The following RCHY1 variants were observed in gnomAD, a reference collection of about 807,000 sequenced individuals.
RCHY1 encodes ring finger and CHY zinc finger domain containing 1, also known as RING finger and CHY zinc finger domain-containing protein 1.
In RCHY1, 21 loss-of-function variants were observed where a neutral mutation model predicts 41.6. That is an observed-to-expected ratio of 0.51 (90% CI 0.36 to 0.73). The LOEUF (loss-of-function observed/expected upper bound fraction) is 0.73, where lower values mean the gene tolerates loss of function less well. Among genes scored for constraint, RCHY1 ranks in the 30% least tolerant of loss-of-function variants. The pLI, the probability that RCHY1 is intolerant of heterozygous loss-of-function variation, is 0.00. For missense variants in RCHY1, 265 were observed against 325.3 expected (o/e 0.81, Z 1.43); for synonymous variants, 79 against 102.9 (o/e 0.77, Z 1.41).
rs192417021 is a variant in RCHY1 at position 75,483,652 on chromosome 4, G to A, written c.658-986C>T. Among the ~76,000 whole-genome samples the A allele has an allele frequency of 5.9e-5, 9 of 152,180 alleles. 1 individual carries two copies. The East Asian group carries it at 1.7e-3, about 29-fold the overall frequency. On this transcript the variant is annotated intron_variant, in intron 8 of 8. Transcript: ENST00000324439. Reference sequence around the variant, plus strand: ...ATCTACATGGAACATAGCACACTTCGGCCTCTAGTCAATCACATGATTATC... The same window carrying A: ...ATCTACATGGAACATAGCACACTTCAGCCTCTAGTCAATCACATGATTATC...
chr4:75,491,465 A>T, intron 7 of RCHY1, 146 bp downstream of exon 7: 1 of 660,674 alleles, frequency 1.5e-6, no homozygotes, highest in Non-Finnish European at 2.6e-6. Context: ...GTCCTGTTTT[A>T]ACAATATTCA....
At position 75,509,247 on chromosome 4, in the gene RCHY1, T is replaced by A; in HGVS notation, c.140A>T (p.Asn47Ile). The stretch of plus-strand genomic sequence containing the variant: ...AAAGCGATCTAGTTGATGATCTTCA[T>A]TGTTATCATGACACAAGCGGCAAGT... The part of the protein sequence containing the change: ...LYTCRLCHDN[N>I]EDHQLDRFKV... The change falls in exon 2 of 9, where the codon AAT becomes ATT. Residue 47 changes from asparagine (N) to isoleucine (I), a missense_variant. Transcript: ENST00000324439. The A allele has an allele frequency of 1.2e-6, 2 of 1,613,478 alleles. No individual in the cohort carries two copies. Among genetic ancestry groups the A allele is most frequent in the Non-Finnish European group, 1.7e-6 (2 of 1,179,642 alleles).
rs1228736937 is a variant in RCHY1 at position 75,487,617 on chromosome 4, T to TATATATATTC, written c.657+2954_657+2963dup. On this transcript the variant is annotated intron_variant, in intron 8 of 8. Transcript: ENST00000324439. ...AATATATATTCATATATATTCATAATATATATATTCATAATATATATATTC... is the reference window on the plus strand; with the variant it reads ...AATATATATTCATATATATTCATAATATATATATTCATATATATTCATAATATATATATTC... Among the ~76,000 whole-genome samples the TATATATATTC allele has an allele frequency of 2.3e-3, 53 of 22,966 alleles. 3 individuals are homozygous for TATATATATTC. Among genetic ancestry groups the TATATATATTC allele is most frequent in the Admixed American group, 3.1e-3 (5 of 1,634 alleles). 15.1% of individuals were successfully genotyped at this position (22,966 alleles called of 152,430 possible).
rs1314149762 is a variant in RCHY1, at chr4:75,480,863, C to T, written c.*1675G>A. Reference sequence around the variant, plus strand: ...AAAATTAGCTGGGCATGGTGGCACACACCTGTAGTCCCAGCTACTCAGGAG... The same window carrying T: ...AAAATTAGCTGGGCATGGTGGCACATACCTGTAGTCCCAGCTACTCAGGAG... On this transcript the variant is annotated 3_prime_UTR_variant, in exon 9 of 9. Coordinates refer to ENST00000324439, the MANE Select transcript of RCHY1 (RefSeq NM_015436.4). 6.6e-6 allele frequency: 1 copy of T among 152,342 alleles called. No homozygotes were observed. The allele number at this position is 152,342 out of a possible 1,614,324, so 9.4% of individuals were successfully genotyped here. A position where few individuals can be genotyped will look rare whatever the true frequency, so the allele number is the denominator to read the frequency against.
At chr4:75,484,195 C>T (rs1204891152) in intron 8 of RCHY1, among the ~76,000 whole-genome samples, 1 of 152,164 alleles carries the variant, frequency 6.6e-6, no homozygotes. Context: ...CCAGGAGCAC[C>T]AAGGGGACCC....
chr4:75,483,426 T>G (rs565663044), intron 8 of RCHY1, among the ~76,000 whole-genome samples: 1 of 152,316 alleles, frequency 6.6e-6, no homozygotes, highest in South Asian at 2.1e-4. Flanking sequence ...GGATTAGTGG[T>G]TGCCTAGGCC....
At chr4:75,513,935 A>G in intron 1 of RCHY1, 1 of 336,652 alleles carries the variant, frequency 3.0e-6, no homozygotes, top group Admixed American at 4.5e-5. Flanking sequence ...AAAGACGAAT[A>G]AGCCCACTGG....
At chr4:75,487,462 T>TATATTCATAATATATATATTCATA (rs1722125216) in intron 8 of RCHY1, among the ~76,000 whole-genome samples, 25 of 139,142 alleles carry the variant, frequency 1.8e-4, no homozygotes, top group Admixed American at 3.1e-4. Flanking sequence ...TATAGTCATA[T>TATATTCATAATATATATATTCATA]ATATATTCAC....
rs775631489 is a variant in RCHY1, at chr4:75,514,219, T to C, written c.68A>G (p.Tyr23Cys). 2.2e-5 allele frequency: 35 copies of C among 1,613,002 alleles called. No individual in the cohort carries two copies. Among genetic ancestry groups the C allele is most frequent in the Non-Finnish European group, 2.8e-5 (33 of 1,179,046 alleles). ...CACCTTTAGGAGACATCCTCTGTCA[T>C]AGTGCTCGCAGCCCCGCTGACCTCG... is the stretch of plus-strand genomic sequence containing the variant. ...QERGQRGCEH[Y>C]DRGCLLKAPC... The change falls in exon 1 of 9, where the codon TAT (tyrosine) becomes TGT (cysteine). Residue 23 changes from tyrosine to cysteine, a missense_variant. Transcript: ENST00000324439.
At chr4:75,498,632 GTATGCAT>G (rs1242791427) in intron 3 of RCHY1, among the ~76,000 whole-genome samples, 1 of 151,936 alleles carries the variant, frequency 6.6e-6, no homozygotes, top group Non-Finnish European at 1.5e-5. Context: ...ACATATAAAT[GTATGCAT>G]TTACGGCTAA....
chr4:75,489,408 C>T (rs1471501897), intron 8 of RCHY1, among the ~76,000 whole-genome samples: 2 of 152,182 alleles, frequency 1.3e-5, no homozygotes, highest in Non-Finnish European at 2.9e-5. Context: ...ATGTGTTTCT[C>T]TCATGGGACA....
chr4:75,506,192 T>C (rs1337999196), intron 3 of RCHY1, among the ~76,000 whole-genome samples: 1 of 147,850 alleles, frequency 6.8e-6, no homozygotes, highest in African/African-American at 2.5e-5. Flanking sequence ...ATTAAGGTTA[T>C]CCATCCCTAC....
At chr4:75,493,634 AT>A (rs956500506) in intron 4 of RCHY1, among the ~76,000 whole-genome samples, 2 of 151,400 alleles carry the variant, frequency 1.3e-5, no homozygotes, top group Non-Finnish European at 3.0e-5. Flanking sequence ...ACTTTATTAG[AT>A]TTTTTTTTAA....
chr4:75,496,889 A>C (rs899262646), intron 3 of RCHY1, among the ~76,000 whole-genome samples: 4 of 152,140 alleles, frequency 2.6e-5, no homozygotes, highest in Non-Finnish European at 4.4e-5. Context: ...TGAGAAGAAT[A>C]ATCAATCAAT....
chr4:75,492,135 A>C (rs1475905924), intron 4 of RCHY1, among the ~76,000 whole-genome samples: 1 of 152,028 alleles, frequency 6.6e-6, no homozygotes, highest in Non-Finnish European at 1.5e-5. Flanking sequence ...TATCTGATAC[A>C]ATGAAAATGT....
chr4:75,512,905 G>T (rs1183643551), intron 1 of RCHY1, among the ~76,000 whole-genome samples: 1 of 18,342 alleles, frequency 5.5e-5, no homozygotes, highest in Non-Finnish European at 9.5e-5. Context: ...GTATTTAAGG[G>T]GGGGGGGGGG....
rs1721587796 is a variant in RCHY1 at position 75,482,370 on chromosome 4, T to C, written c.*168A>G. On this transcript the variant is annotated 3_prime_UTR_variant, in exon 9 of 9. Transcript: ENST00000324439. The stretch of plus-strand genomic sequence containing the variant: ...TCAATATAGAGCTATGATAAGTCTA[T>C]CAAGAGACCCTGAATCCTTACGTAC... 1 of 474,942 alleles carries C rather than the reference T, an allele frequency of 2.1e-6. No homozygotes were observed. Among genetic ancestry groups the C allele is most frequent in the South Asian group, 6.5e-5 (1 of 15,326 alleles). The allele number at this position is 474,942 out of a possible 1,614,324, so 29.4% of individuals were successfully genotyped here. A position where few individuals can be genotyped will look rare whatever the true frequency, so the allele number is the denominator to read the frequency against.
intron 3 of RCHY1, among the ~76,000 whole-genome samples, chr4:75,503,170 C>T (rs1723951967): frequency 6.6e-6 from 1 of 152,164 alleles, no homozygotes; most frequent in Non-Finnish European, 1.5e-5. Context: ...ATGTCATTAG[C>T]ATCTGCTACC....
chr4:75,489,302 T>C (rs1189459051), intron 8 of RCHY1, among the ~76,000 whole-genome samples: 1 of 152,194 alleles, frequency 6.6e-6, no homozygotes, highest in Non-Finnish European at 1.5e-5. Context: ...AGGATTACAT[T>C]CAATTGTCAT....
Sources: allele counts gnomAD v4.1 joint callset (sites outside exome capture counted in the v4.1 genomes callset), GRCh38; gene constraint gnomAD v4.1.1; transcripts MANE v1.5; gene names NCBI Gene and HGNC (gene_info 2026-07-23, HGNC 2026-07-21).